MED13L: variants seen among roughly 807,000 people sequenced by gnomAD.
MED13L encodes the protein mediator complex subunit 13L.
A neutral mutation model predicts 220.9 loss-of-function variants in MED13L; 7 were observed. That is an observed-to-expected ratio of 0.03 (90% CI 0.02 to 0.06). The LOEUF is 0.06. Ranked by LOEUF, MED13L falls within the 10% of genes least tolerant of loss-of-function variation. The probability of loss-of-function intolerance (pLI) is 1.00; values close to 1 mark genes in which losing one functional copy is unlikely to be tolerated. For missense variants in MED13L, 1,965 were observed against 2,760.5 expected (o/e 0.71, Z 6.46); for synonymous variants, 1,011 against 1,015.2 (o/e 1.00, Z 0.08).
chr12:116,191,499 T>G (rs1028877939), intron 2 of MED13L, among the ~76,000 whole-genome samples: 1 of 151,832 alleles, frequency 6.6e-6, no homozygotes, highest in African/African-American at 2.4e-5. Context: ...CCCAGGTAAT[T>G]TTTGTGTTTT....
At chr12:116,146,817 A>G (rs1261054075) in intron 2 of MED13L, among the ~76,000 whole-genome samples, 1 of 152,020 alleles carries the variant, frequency 6.6e-6, no homozygotes, top group African/African-American at 2.4e-5. Flanking sequence ...GCAGTGAGCC[A>G]AGATCGCACC....
intron 1 of MED13L, among the ~76,000 whole-genome samples, chr12:116,269,122 A>G (rs1873055799): frequency 6.6e-6 from 1 of 152,120 alleles, no homozygotes; most frequent in Admixed American, 6.6e-5. Context: ...GCAGTGGCAC[A>G]ATCTCGGCTC....
intron 5 of MED13L, among the ~76,000 whole-genome samples, 179 bp downstream of exon 5, chr12:116,022,277 C>A (rs1194218180): frequency 6.6e-6 from 1 of 152,202 alleles, no homozygotes; most frequent in East Asian, 1.9e-4. Context: ...AAAACTAACA[C>A]ACTATTACTA....
At position 115,991,947 on chromosome 12, in the gene MED13L, T is replaced by C; in HGVS notation, c.3007A>G (p.Ser1003Gly). The C allele has an allele frequency of 6.3e-7, 1 of 1,599,324 alleles. No individual in the cohort carries two copies. The highest frequency in any genetic ancestry group is 8.5e-7 in the Non-Finnish European group (1 of 1,179,788). ...TCTGGATCTGCTAGGCTCCCAACAC[T>C]AGGCACGTTACTACAAAAAGAGAAG... The part of the protein sequence containing the change: ...FIRDGYNNVP[S>G]VGSLADPDYL... The change falls in exon 17 of 31, where the codon AGT becomes GGT. Residue 1003 changes from serine to glycine, a missense_variant. Physicochemically the swap from Ser to Gly is moderately conservative, Grantham distance 56. This residue lies in a region of MED13L where 233 missense variants were observed against 306.2 expected (regional missense o/e 0.76). Transcript: ENST00000281928. The surrounding 1 kb of genome is among the most constrained non-coding windows in gnomAD (Gnocchi z 7.7).
intron 4 of MED13L, among the ~76,000 whole-genome samples, chr12:116,090,738 G>T (rs1565872420): frequency 2.0e-5 from 3 of 152,194 alleles, no homozygotes; most frequent in African/African-American, 7.2e-5. Context: ...TGAACAAGGA[G>T]AGATTTGTTT....
chr12:116,031,303 G>T (rs766805609), intron 4 of MED13L, among the ~76,000 whole-genome samples: 1 of 152,012 alleles, frequency 6.6e-6, no homozygotes, highest in Non-Finnish European at 1.5e-5. Context: ...AAAGGGGCCG[G>T]GTGCAGTGGC....
chr12:116,044,549 A>G (rs150525327), intron 4 of MED13L, among the ~76,000 whole-genome samples: 1 of 152,350 alleles, frequency 6.6e-6, no homozygotes, highest in African/African-American at 2.4e-5. Flanking sequence ...AACACACAAC[A>G]GCATCTAAAG....
At chr12:115,961,726 T>A in intron 30 of MED13L, 1 of 377,034 alleles carries the variant, frequency 2.7e-6, no homozygotes, top group African/African-American at 2.1e-5. Flanking sequence ...CCCAGCAACT[T>A]TGGGAGGCCG....
intron 2 of MED13L, among the ~76,000 whole-genome samples, chr12:116,155,669 CCA>C (rs987499407): frequency 5.3e-5 from 8 of 152,132 alleles, no homozygotes; most frequent in African/African-American, 1.7e-4. Context: ...TTACATTTTG[CCA>C]CACAGTCTTC....
At chr12:116,239,764 C>G (rs1032384491) in intron 1 of MED13L, among the ~76,000 whole-genome samples, 5 of 152,306 alleles carry the variant, frequency 3.3e-5, no homozygotes, top group African/African-American at 4.8e-5. Flanking sequence ...AATAGTCTCC[C>G]CAATACAAAT....
chr12:116,128,339 A>G (rs1279165057), intron 2 of MED13L, among the ~76,000 whole-genome samples: 5 of 152,170 alleles, frequency 3.3e-5, no homozygotes, highest in Non-Finnish European at 7.3e-5. Context: ...CCAAACAGAC[A>G]CGTTTATAAA....
chr12:116,176,853 A>G (rs1160295983), intron 2 of MED13L, among the ~76,000 whole-genome samples: 1 of 148,372 alleles, frequency 6.7e-6, no homozygotes, highest in Non-Finnish European at 1.5e-5. Context: ...CCTGTGGTAC[A>G]TATGCAGAAT....
rs553738877 is a variant in MED13L at position 116,124,718 on chromosome 12, T to C, written c.311-13206A>G. 9.2e-5 allele frequency among the ~76,000 whole-genome samples: 14 copies of C among 152,302 alleles called. No homozygotes were observed. In the South Asian group the frequency reaches 2.7e-3, roughly 29 times the overall value. On this transcript the variant is annotated intron_variant, in intron 2 of 30. Transcript: ENST00000281928. ...ACCTGGTGAAGGTTTTAACTGTAAA[T>C]ATAAAGGCCCTAATTTAAATTAGAA... is the stretch of plus-strand genomic sequence containing the variant.
chr12:116,150,905 C>T (rs1266327212), intron 2 of MED13L, among the ~76,000 whole-genome samples: 2 of 151,998 alleles, frequency 1.3e-5, no homozygotes, highest in African/African-American at 4.8e-5. Context: ...TATAATATAT[C>T]GCTACCAGAT....
At chr12:116,267,883 T>C (rs971693909) in intron 1 of MED13L, among the ~76,000 whole-genome samples, 28 of 152,186 alleles carry the variant, frequency 1.8e-4, no homozygotes, top group Admixed American at 1.6e-3. Flanking sequence ...TCATGATCAG[T>C]TGGAATTGTC....
At chr12:116,207,762 T>C (rs945097048) in intron 2 of MED13L, among the ~76,000 whole-genome samples, 1 of 151,884 alleles carries the variant, frequency 6.6e-6, no homozygotes, top group African/African-American at 2.4e-5. Context: ...TGAATTACTA[T>C]GTAATTTATG....
At chr12:116,184,605 A>C (rs1378864610) in intron 2 of MED13L, among the ~76,000 whole-genome samples, 1 of 152,214 alleles carries the variant, frequency 6.6e-6, no homozygotes, top group African/African-American at 2.4e-5. Flanking sequence ...TCCAACCTAG[A>C]ATGTGAACAG....
chr12:116,243,718 T>C (rs888293486), intron 1 of MED13L, among the ~76,000 whole-genome samples: 10 of 151,938 alleles, frequency 6.6e-5, no homozygotes, highest in African/African-American at 2.4e-4. Context: ...AGACGTTGAT[T>C]AGAATGAACC....
chr12:116,144,032 A>C (rs1877287859), intron 2 of MED13L, among the ~76,000 whole-genome samples: 1 of 152,160 alleles, frequency 6.6e-6, no homozygotes, highest in Admixed American at 6.5e-5. Context: ...ACAGGCACAC[A>C]GGCAGTTTCT....
Sources: gnomAD v4.1 joint callset for allele counts (sites outside exome capture counted in the v4.1 genomes callset) on GRCh38, gnomAD v4.1.1 for gene constraint, gnomAD v4.1.1 regional missense constraint, Gnocchi (gnomAD v3.1) non-coding constraint, MANE v1.5 for transcripts, NCBI Gene and HGNC (gene_info 2026-07-23, HGNC 2026-07-21) for gene names.